PARD3B: variants seen among roughly 807,000 people sequenced by gnomAD.
The protein encoded by PARD3B is partitioning defective 3 homolog B.
Under a neutral mutation model 130.2 loss-of-function variants are expected in PARD3B, and 103 were observed. The ratio of observed to expected loss-of-function variants is 0.79; its 90% CI spans 0.67 to 0.93. The LOEUF (loss-of-function observed/expected upper bound fraction) is 0.93, where lower values mean the gene tolerates loss of function less well. PARD3B is among the 40% of genes least tolerant of loss of function. The pLI, the probability that PARD3B is intolerant of heterozygous loss-of-function variation, is 0.00. For synonymous variants in PARD3B, 583 were observed against 553.2 expected, an observed-to-expected ratio of 1.05 and a Z score of -0.76; for missense variants, 1,609 against 1,499.2, an observed-to-expected ratio of 1.07 and a Z score of -1.21.
chr2:205,361,288 G>A (rs182687406), intron 18 of PARD3B, among the ~76,000 whole-genome samples: 10 of 152,196 alleles, frequency 6.6e-5, no homozygotes, highest in African/African-American at 1.7e-4. Flanking sequence ...TCATGGAATC[G>A]GAGAAGATGG....
chr2:205,392,411 A>T (rs2045890692), intron 18 of PARD3B, among the ~76,000 whole-genome samples: 1 of 152,196 alleles, frequency 6.6e-6, no homozygotes, highest in Non-Finnish European at 1.5e-5. Context: ...TGGATAAAAA[A>T]GGTTGGCCTT....
chr2:205,499,920 T>G lies in PARD3B; in HGVS notation c.3069T>G (p.Thr1023=). 6.2e-7 allele frequency: 1 copy of G among 1,613,812 alleles called. No individual in the cohort carries two copies. Among genetic ancestry groups the G allele is most frequent in the Non-Finnish European group, 8.5e-7 (1 of 1,179,722 alleles). The change falls in exon 21 of 23, where the codon ACT becomes ACG. Residue 1023 remains threonine (T), a synonymous_variant. Transcript: ENST00000406610. ...ADSGRPTGGS[T]DRIQKLRKEY... ...GTGGCCGTCCTACGGGTGGAAGCAC[T>G]GACCGTATCCAGAAGTTGCGGAAAG...
intron 18 of PARD3B, among the ~76,000 whole-genome samples, chr2:205,314,477 G>A (rs1054041940): frequency 6.6e-6 from 1 of 152,122 alleles, no homozygotes; most frequent in Non-Finnish European, 1.5e-5. Flanking sequence ...TCCTGACAAG[G>A]CAACATCAAA....
At chr2:204,684,020 A>G (rs1360825612) in intron 1 of PARD3B, among the ~76,000 whole-genome samples, 3 of 152,148 alleles carry the variant, frequency 2.0e-5, no homozygotes, top group African/African-American at 4.8e-5. Context: ...TCTTGCTGCC[A>G]TTTGTTTGAT....
intron 2 of PARD3B, among the ~76,000 whole-genome samples, chr2:204,908,634 G>C (rs182353906): frequency 6.6e-6 from 1 of 152,124 alleles, no homozygotes; most frequent in Non-Finnish European, 1.5e-5. Context: ...GAAATGGAGC[G>C]TCGAAATGGA....
At chr2:204,803,258 C>T (rs2042642466) in intron 2 of PARD3B, among the ~76,000 whole-genome samples, 1 of 150,614 alleles carries the variant, frequency 6.6e-6, no homozygotes. Flanking sequence ...TTCATCAACA[C>T]CAGACCGGTT....
At chr2:204,676,122 C>CG (rs2036527846) in intron 1 of PARD3B, among the ~76,000 whole-genome samples, 2 of 136,822 alleles carry the variant, frequency 1.5e-5, no homozygotes, top group South Asian at 4.6e-4. Context: ...TTTTTTGGGG[C>CG]GGGGGGTGGT....
chr2:205,316,682 AT>A (rs2042574402), intron 18 of PARD3B, among the ~76,000 whole-genome samples: 1 of 152,172 alleles, frequency 6.6e-6, no homozygotes, highest in African/African-American at 2.4e-5. Flanking sequence ...TGGAGTTTAA[AT>A]TCGGATATGT....
rs1158611866 is a variant in PARD3B at position 204,545,559 on chromosome 2, C to T, written c.-441C>T. 1.3e-5 allele frequency among the ~76,000 whole-genome samples: 2 copies of T among 152,026 alleles called. No homozygotes were observed. The highest frequency in any genetic ancestry group is 1.3e-4 in the Admixed American group (2 of 15,274). ...CTCCCAACTCTGGCCCCGTGCGCCG[C>T]CGCCGCCGCCGCCCACTCCAGCCCC... On this transcript the variant is annotated 5_prime_UTR_variant, in exon 1 of 23. Transcript: ENST00000406610.
chr2:205,493,576 C>G (rs561455541), intron 20 of PARD3B, among the ~76,000 whole-genome samples: 1 of 152,074 alleles, frequency 6.6e-6, no homozygotes, highest in South Asian at 2.1e-4. Flanking sequence ...AACTCAAAAA[C>G]ACTCCCTATC....
At chr2:205,188,127 A>C (rs1338783006) in intron 14 of PARD3B, among the ~76,000 whole-genome samples, 2 of 152,226 alleles carry the variant, frequency 1.3e-5, no homozygotes, top group African/African-American at 4.8e-5. Flanking sequence ...ATGGGAGCCT[A>C]GAGGAAGAAG....
intron 2 of PARD3B, among the ~76,000 whole-genome samples, chr2:204,814,716 T>C (rs1420933571): frequency 1.3e-5 from 2 of 151,864 alleles, no homozygotes; most frequent in Non-Finnish European, 2.9e-5. Context: ...GGATCCCTTT[T>C]TCCAGTTTCC....
chr2:205,144,340 C>T (rs773622015), intron 10 of PARD3B, among the ~76,000 whole-genome samples: 3 of 152,108 alleles, frequency 2.0e-5, no homozygotes, highest in Admixed American at 1.3e-4. Flanking sequence ...GATATATGAG[C>T]CAGCTATAAA....
chr2:205,168,770 G>A (rs554964342), intron 11 of PARD3B, among the ~76,000 whole-genome samples: 6 of 151,838 alleles, frequency 4.0e-5, no homozygotes, highest in Admixed American at 2.0e-4. Flanking sequence ...TCCCTTCCAG[G>A]AGATATCTGG....
chr2:204,829,014 CAA>C (rs963790892), intron 2 of PARD3B, among the ~76,000 whole-genome samples: 1 of 152,152 alleles, frequency 6.6e-6, no homozygotes. Flanking sequence ...CTGTTCCCTC[CAA>C]GTCTTATGGA....
chr2:205,139,883 A>T (rs747839190), intron 10 of PARD3B, among the ~76,000 whole-genome samples: 1 of 152,244 alleles, frequency 6.6e-6, no homozygotes, highest in Non-Finnish European at 1.5e-5. Flanking sequence ...CTAGTGGCTT[A>T]CTTATTAAGA....
At chr2:205,422,465 C>G (rs1304878642) in intron 19 of PARD3B, among the ~76,000 whole-genome samples, 1 of 152,202 alleles carries the variant, frequency 6.6e-6, no homozygotes, top group East Asian at 1.9e-4. Flanking sequence ...ATGAAGGGAG[C>G]TATCTGGCCA....
rs1469718907 is a variant in PARD3B at position 205,615,675 on chromosome 2, G to A, written c.3480G>A (p.Pro1160=). Residue 1160 remains proline (P), a synonymous_variant, in exon 23 of 23, where the codon CCG becomes CCA. Coordinates refer to ENST00000406610, the MANE Select transcript of PARD3B (RefSeq NM_001302769.2). ...AAGGACCCTTTCGACAAGACGTTCCGCCTTCCCCTCCCCAGCACCAAAGAA... is the reference window on the plus strand; with the variant it reads ...AAGGACCCTTTCGACAAGACGTTCCACCTTCCCCTCCCCAGCACCAAAGAA... ...QHKGPFRQDV[P]PSPPQHQRMP... is the part of the protein sequence containing the mutation. 4 of 1,613,546 alleles carry A rather than the reference G, an allele frequency of 2.5e-6. No homozygotes were observed. Among genetic ancestry groups the A allele is most frequent in the Admixed American group, 3.3e-5 (2 of 59,970 alleles).
chr2:205,586,635 CAT>C (rs947547218), intron 22 of PARD3B, among the ~76,000 whole-genome samples: 10 of 151,560 alleles, frequency 6.6e-5, no homozygotes, highest in African/African-American at 9.7e-5. Context: ...TTTTTATATA[CAT>C]ATATATAATT....
Sources: allele counts gnomAD v4.1 joint callset (sites outside exome capture counted in the v4.1 genomes callset), GRCh38; gene constraint gnomAD v4.1.1; transcripts MANE v1.5; gene names NCBI Gene and HGNC (gene_info 2026-07-23, HGNC 2026-07-21).